The following PPARGC1A variants were observed in gnomAD, a reference collection of about 807,000 sequenced individuals.
PPARGC1A encodes peroxisome proliferator-activated receptor gamma coactivator 1-alpha.
PPARGC1A carries 25 observed loss-of-function variants against 88.7 expected under a neutral mutation model. The observed-to-expected ratio is 0.28, with a 90% CI of 0.21 to 0.39. The LOEUF (loss-of-function observed/expected upper bound fraction) is 0.39. Among genes scored for constraint, PPARGC1A ranks in the 10% least tolerant of loss-of-function variants. The pLI is 1.00. For missense variants in PPARGC1A, 880 were observed against 968.7 expected, an observed-to-expected ratio of 0.91 and a Z score of 1.22; for synonymous variants, 363 against 355.6, an observed-to-expected ratio of 1.02 and a Z score of -0.24.
At chr4:24,448,591 A>G in the PPARGC1A span, among the ~76,000 whole-genome samples, 1 of 152,196 alleles carries the variant, frequency 6.6e-6, no homozygotes, top group Admixed American at 6.5e-5. Context: ...CTGGGGTCTT[A>G]TCATCTCTGA....
chr4:23,793,100 C>T lies in PPARGC1A; in HGVS notation c.*2722G>A, dbSNP rs1716934844. ...AAAAATTTAAAGGCAAAATAGAGAA[C>T]ACATGTGGTCCTTGAACACATAATA... On this transcript the variant is annotated 3_prime_UTR_variant, in exon 13 of 13. Coordinates refer to ENST00000264867, the MANE Select transcript of PPARGC1A (RefSeq NM_013261.5). 6.6e-6 allele frequency: 1 copy of T among 152,522 alleles called. No homozygotes were observed. Among genetic ancestry groups the T allele is most frequent in the South Asian group, 2.1e-4 (1 of 4,830 alleles). The allele number at this position is 152,522 out of a possible 1,614,324, so 9.4% of individuals were successfully genotyped here.
the PPARGC1A span, among the ~76,000 whole-genome samples, chr4:24,169,345 G>A: frequency 3.3e-5 from 5 of 152,056 alleles, no homozygotes; most frequent in Admixed American, 6.6e-5. Context: ...TGGGATCCCA[G>A]AACAGAAAAA....
chr4:24,035,338 G>A, the PPARGC1A span, among the ~76,000 whole-genome samples: 2 of 151,940 alleles, frequency 1.3e-5, no homozygotes, highest in African/African-American at 4.8e-5. Context: ...TCAGGAGTTC[G>A]AGACCAGATG....
the PPARGC1A span, among the ~76,000 whole-genome samples, chr4:24,238,441 T>C: frequency 6.6e-6 from 1 of 152,118 alleles, no homozygotes; most frequent in African/African-American, 2.4e-5. Context: ...GAGTAGCCAC[T>C]CACGGAGTTA....
the PPARGC1A span, among the ~76,000 whole-genome samples, chr4:24,108,502 G>C: frequency 6.6e-6 from 1 of 152,250 alleles, no homozygotes. Context: ...AAAATCAGGA[G>C]GTGGGCACCT....
chr4:24,095,772 G>T, the PPARGC1A span, among the ~76,000 whole-genome samples: 7 of 152,172 alleles, frequency 4.6e-5, no homozygotes, highest in African/African-American at 7.2e-5. Context: ...CAATTGTCTG[G>T]TGAGGGCTGC....
the PPARGC1A span, among the ~76,000 whole-genome samples, chr4:24,057,457 A>G: frequency 1.3e-4 from 2 of 15,550 alleles, no homozygotes; most frequent in Admixed American, 4.2e-4. Flanking sequence ...AAGATGGTTT[A>G]AAAAAAAAAA....
At position 23,828,579 on chromosome 4, in the gene PPARGC1A, G is replaced by A. The variant is rs777068621; in HGVS notation, c.578C>T (p.Ala193Val). The A allele has an allele frequency of 1.9e-6, 3 of 1,613,976 alleles. No homozygotes were observed. Among genetic ancestry groups the A allele is most frequent in the South Asian group, 1.1e-5 (1 of 91,066 alleles). ...VKTENSWSNK[A>V]KSICQQQKPQ... ...CTTTTGCTGTTGACAAATACTCTTC[G>A]CTTTATTGCTCCATGAATTCTCAGT... The change falls in exon 5 of 13, where the codon GCG becomes GTG. Residue 193 changes from alanine to valine, a missense_variant. Transcript: ENST00000264867.
intron 12 of PPARGC1A, among the ~76,000 whole-genome samples, chr4:23,798,374 G>A (rs1233870739): frequency 1.3e-5 from 2 of 152,126 alleles, no homozygotes; most frequent in Admixed American, 6.5e-5. Context: ...TTGGCACAAA[G>A]GAGGCACTCA....
chr4:24,124,458 AG>A, the PPARGC1A span, among the ~76,000 whole-genome samples: 1 of 152,204 alleles, frequency 6.6e-6, no homozygotes, highest in Non-Finnish European at 1.5e-5. Context: ...CTTCCTGAAG[AG>A]TCATCCTATT....
the PPARGC1A span, among the ~76,000 whole-genome samples, chr4:24,028,313 C>T: frequency 6.6e-6 from 1 of 152,162 alleles, no homozygotes; most frequent in Non-Finnish European, 1.5e-5. Flanking sequence ...ACAGTTGAGA[C>T]ACATTGACAT....
chr4:24,447,531 G>A, the PPARGC1A span, among the ~76,000 whole-genome samples: 2 of 152,222 alleles, frequency 1.3e-5, no homozygotes, highest in Admixed American at 6.5e-5. Context: ...CCTTGCCTCT[G>A]CAGAGCCCAG....
chr4:24,165,028 T>C, the PPARGC1A span, among the ~76,000 whole-genome samples: 1 of 152,162 alleles, frequency 6.6e-6, no homozygotes, highest in Admixed American at 6.5e-5. Flanking sequence ...GTAGCTACAA[T>C]AATCTTTTGG....
At chr4:24,064,303 G>A in the PPARGC1A span, among the ~76,000 whole-genome samples, 1 of 152,202 alleles carries the variant, frequency 6.6e-6, no homozygotes, top group African/African-American at 2.4e-5. Flanking sequence ...GTGGGTGCCT[G>A]TACACCCCTG....
At chr4:23,929,528 G>C in the PPARGC1A span, among the ~76,000 whole-genome samples, 3 of 152,196 alleles carry the variant, frequency 2.0e-5, no homozygotes, top group Non-Finnish European at 4.4e-5. Flanking sequence ...CTCACACTTT[G>C]CTGGAAGTGG....
the PPARGC1A span, among the ~76,000 whole-genome samples, chr4:23,909,346 G>A: frequency 7.9e-4 from 121 of 152,232 alleles, no homozygotes; most frequent in South Asian, 1.5e-3. Flanking sequence ...GGTGCCCTAC[G>A]TTGGGCTTGT....
At chr4:24,132,296 GA>G in the PPARGC1A span, among the ~76,000 whole-genome samples, 342 of 149,040 alleles carry the variant, frequency 2.3e-3, 1 homozygote, top group African/African-American at 6.2e-3. Flanking sequence ...TTCTATATCA[GA>G]AAAAAAAAAA....
At chr4:23,939,151 GACT>G in the PPARGC1A span, among the ~76,000 whole-genome samples, 1 of 152,100 alleles carries the variant, frequency 6.6e-6, no homozygotes, top group Non-Finnish European at 1.5e-5. Context: ...AGAAGAACAT[GACT>G]ACATCTTATT....
At chr4:24,230,759 C>T in the PPARGC1A span, among the ~76,000 whole-genome samples, 4 of 152,062 alleles carry the variant, frequency 2.6e-5, no homozygotes, top group Non-Finnish European at 5.9e-5. Flanking sequence ...ACCTTGTTAT[C>T]TTGAGACAGA....
Sources: gnomAD v4.1 joint callset for allele counts (sites outside exome capture counted in the v4.1 genomes callset) on GRCh38, gnomAD v4.1.1 for gene constraint, MANE v1.5 for transcripts, NCBI Gene and HGNC (gene_info 2026-07-23, HGNC 2026-07-21) for gene names.